USP35: variants seen among roughly 807,000 people sequenced by gnomAD.
The protein encoded by USP35 is ubiquitin carboxyl-terminal hydrolase 35.
In USP35, 69 loss-of-function variants were observed where a neutral mutation model predicts 83.8. The ratio of observed to expected loss-of-function variants is 0.82; its 90% CI spans 0.68 to 1.01. USP35 has a LOEUF of 1.01. Ranked by LOEUF, USP35 falls within the 50% of genes least tolerant of loss-of-function variation. The pLI, the probability that USP35 is intolerant of heterozygous loss-of-function variation, is 0.00. For synonymous variants in USP35, 714 were observed against 589.5 expected (o/e 1.21, Z -3.06); for missense variants, 1,503 against 1,362.5 (o/e 1.10, Z -1.62).
In USP35 at chr11:78,213,843, C is replaced by T. The variant is rs1369101678; in HGVS notation, c.*30C>T. ...AACCTGCTGCCAACCTGACCCCTTC[C>T]CTCCAGGAGCCAGGTAGGGCCTGAG... On this transcript the variant is annotated 3_prime_UTR_variant, in exon 11 of 11. Coordinates refer to ENST00000529308, the MANE Select transcript of USP35 (RefSeq NM_020798.4). 8 of 1,532,900 alleles carry T rather than the reference C, an allele frequency of 5.2e-6. No individual in the cohort carries two copies. Among genetic ancestry groups the T allele is most frequent in the Middle Eastern group, 3.4e-4 (2 of 5,810 alleles). The allele number at this position is 1,532,900 out of a possible 1,614,324, so 95.0% of individuals were successfully genotyped here.
At position 78,200,080 on chromosome 11, in the gene USP35, C is replaced by T. The variant is rs149355489; in HGVS notation, c.937-53C>T. Reference sequence around the variant, plus strand: ...GTCCCCTCTCAGGCTTGTGATTCTACTTGGCCTCAGCAGCTCAAGCCTGGG... The same window carrying T: ...GTCCCCTCTCAGGCTTGTGATTCTATTTGGCCTCAGCAGCTCAAGCCTGGG... On this transcript the variant is annotated intron_variant, in intron 4 of 10. Coordinates refer to ENST00000529308, the MANE Select transcript of USP35 (RefSeq NM_020798.4). 112 of 1,587,980 alleles carry T rather than the reference C, an allele frequency of 7.1e-5. 1 individual carries two copies. In the East Asian group the frequency reaches 2.4e-3, roughly 35 times the overall value.
At chr11:78,215,886 T>G (rs1161111527), downstream of USP35, 1 of 152,684 alleles carries the variant, frequency 6.5e-6, no homozygotes, top group African/African-American at 2.4e-5. Flanking sequence ...TGGGCCGAGA[T>G]GTCCCCATGG....
At chr11:78,213,582 T>C in intron 10 of USP35, 64 bp from the exon 11 acceptor site, 3 of 1,429,722 alleles carry the variant, frequency 2.1e-6, no homozygotes, top group Non-Finnish European at 2.7e-6. Flanking sequence ...TTGTGCTGGG[T>C]AGACTCACTC....
chr11:78,234,154 C>T, the USP35 span, among the ~76,000 whole-genome samples: 4 of 152,264 alleles, frequency 2.6e-5, no homozygotes, highest in East Asian at 1.9e-4. Flanking sequence ...GATCTTGGCT[C>T]ACTGCAGTCT....
At chr11:78,234,961 G>C in the USP35 span, among the ~76,000 whole-genome samples, 2 of 151,982 alleles carry the variant, frequency 1.3e-5, no homozygotes, top group African/African-American at 4.8e-5. Flanking sequence ...AATGAGCTGA[G>C]ATCATGCCAC....
At chr11:78,219,264 C>T (rs2134448645), downstream of USP35, 1 of 1,612,224 alleles carries the variant, frequency 6.2e-7, no homozygotes, top group South Asian at 1.1e-5. Flanking sequence ...TCTGCGGTGG[C>T]CCTCTCATCA....
At chr11:78,212,171 TTCC>T (rs1863808697) in intron 10 of USP35, among the ~76,000 whole-genome samples, 1 of 152,250 alleles carries the variant, frequency 6.6e-6, no homozygotes, top group East Asian at 1.9e-4. Flanking sequence ...TAGCCAGTTC[TTCC>T]AGCAACATTT....
chr11:78,228,244 G>A, the USP35 span, among the ~76,000 whole-genome samples: 1 of 152,216 alleles, frequency 6.6e-6, no homozygotes, highest in Non-Finnish European at 1.5e-5. Flanking sequence ...AGTGCTTTGG[G>A]AAATTGGAGG....
the USP35 span, among the ~76,000 whole-genome samples, chr11:78,222,424 A>C: frequency 6.6e-6 from 1 of 151,814 alleles, no homozygotes; most frequent in African/African-American, 2.4e-5. Flanking sequence ...ATCTATGGTA[A>C]TTATATTTTC....
the USP35 span, among the ~76,000 whole-genome samples, chr11:78,226,240 C>T: frequency 1.3e-5 from 2 of 152,196 alleles, no homozygotes; most frequent in East Asian, 3.8e-4. Context: ...AGAACATTAA[C>T]TTCTCTGGGG....
At position 78,209,451 on chromosome 11, in the gene USP35, G is replaced by A; in HGVS notation, c.1596G>A (p.Leu532=). 6.3e-7 allele frequency: 1 copy of A among 1,599,228 alleles called. No individual in the cohort carries two copies. The highest frequency in any genetic ancestry group is 8.5e-7 in the Non-Finnish European group (1 of 1,171,580). Residue 532 remains leucine (L), a synonymous_variant, in exon 10 of 11, where the codon CTG becomes CTA. Coordinates refer to ENST00000529308, the MANE Select transcript of USP35 (RefSeq NM_020798.4). Reference sequence around the variant, plus strand: ...GACTCTGTGCTCTCTGCCCCAGGCTGCACGAAGAGGAGAAAACGGGCACAA... The same window carrying A: ...GACTCTGTGCTCTCTGCCCCAGGCTACACGAAGAGGAGAAAACGGGCACAA... ...SEYLKYLLDR[L]HEEEKTGTRI... is the part of the protein sequence containing the mutation.
In USP35 at chr11:78,208,848, T is replaced by G; in HGVS notation, c.1486-9T>G. 1 of 1,614,160 alleles carries G rather than the reference T, an allele frequency of 6.2e-7. No individual in the cohort carries two copies. The highest frequency in any genetic ancestry group is 2.2e-5 in the East Asian group (1 of 44,886). On this transcript the variant is annotated splice_polypyrimidine_tract_variant and intron_variant, in intron 8 of 10. Coordinates refer to ENST00000529308, the MANE Select transcript of USP35 (RefSeq NM_020798.4). ...CTCCTGACCATGCCTTTCGCCTGCC[T>G]TGTCCTAGCGGCCTGCCATTTCCCC... is the stretch of plus-strand genomic sequence containing the variant.
At chr11:78,216,796 G>C (rs1864170782), downstream of USP35, 1 of 152,308 alleles carries the variant, frequency 6.6e-6, no homozygotes, top group African/African-American at 2.4e-5. Context: ...GAAGGCACCA[G>C]TTAAAAGCTC....
At chr11:78,192,967 T>G (rs1388114232) in intron 1 of USP35, among the ~76,000 whole-genome samples, 1 of 152,050 alleles carries the variant, frequency 6.6e-6, no homozygotes, top group Non-Finnish European at 1.5e-5. Flanking sequence ...CATGCCCTCT[T>G]GCTTCACACA....
At chr11:78,223,223 T>A in the USP35 span, among the ~76,000 whole-genome samples, 1 of 152,140 alleles carries the variant, frequency 6.6e-6, no homozygotes, top group East Asian at 1.9e-4. Flanking sequence ...CTAGATGCTC[T>A]CCTTTGCAGC....
At chr11:78,233,599 T>A in the USP35 span, among the ~76,000 whole-genome samples, 1 of 151,836 alleles carries the variant, frequency 6.6e-6, no homozygotes, top group African/African-American at 2.4e-5. Flanking sequence ...TTTCTCGCAT[T>A]TTGTGATTTG....
chr11:78,223,531 G>T, the USP35 span: 2 of 1,613,372 alleles, frequency 1.2e-6, no homozygotes, highest in Non-Finnish European at 1.7e-6. Flanking sequence ...AAAGTGATGG[G>T]CCCCTGGGCT....
downstream of USP35, chr11:78,219,470 G>A: frequency 6.4e-7 from 1 of 1,557,014 alleles, no homozygotes; most frequent in Non-Finnish European, 8.8e-7. Flanking sequence ...GTTAGGTGGG[G>A]AGGAAGAAGG....
At position 78,189,062 on chromosome 11, in the gene USP35, C is replaced by T. The variant is rs542304636; in HGVS notation, c.-106C>T. On this transcript the variant is annotated 5_prime_UTR_variant, in exon 1 of 11. Transcript: ENST00000529308. ...GAGGGCGTCCCCACCCTGGGGGGAG[C>T]AGAGGACCAGCCCTGACCTAGCCGG... The T allele has an allele frequency of 6.9e-5, 47 of 684,470 alleles. No homozygotes were observed. The African/African-American group carries it at 8.2e-4, about 12-fold the overall frequency. 42.4% of individuals were successfully genotyped at this position (684,470 alleles called of 1,614,324 possible).
Sources: gnomAD v4.1 joint callset for allele counts (sites outside exome capture counted in the v4.1 genomes callset) on GRCh38, gnomAD v4.1.1 for gene constraint, MANE v1.5 for transcripts, NCBI Gene and HGNC (gene_info 2026-07-23, HGNC 2026-07-21) for gene names.